PRH1: variants seen among roughly 807,000 people sequenced by gnomAD.
PRH1 encodes the protein proline rich protein HaeIII subfamily 1, also known as salivary acidic proline-rich phosphoprotein 1/2.
In PRH1, 7 loss-of-function variants were observed where a neutral mutation model predicts 7.9. That is an observed-to-expected ratio of 0.89 (90% CI 0.50 to 1.67). The LOEUF (loss-of-function observed/expected upper bound fraction) is 1.67, where lower values mean the gene tolerates loss of function less well. Ranked by LOEUF, PRH1 falls within the 40% of genes most tolerant of loss-of-function variation. PRH1 has a pLI of 0.00. For synonymous variants in PRH1, 45 were observed against 80.8 expected (o/e 0.56, Z 2.38); for missense variants, 109 against 223.6 (o/e 0.49, Z 3.27).
chr12:11,004,690 A>AT (rs1028145370), intron 1 of PRH1, among the ~76,000 whole-genome samples: 2 of 151,890 alleles, frequency 1.3e-5, no homozygotes, highest in African/African-American at 4.8e-5. Flanking sequence ...AATTTTTCTA[A>AT]TTTTTTCTTG....
At chr12:11,120,359 C>T (rs1180592831), downstream of PRH1, among the ~76,000 whole-genome samples, 1 of 152,118 alleles carries the variant, frequency 6.6e-6, no homozygotes, top group African/African-American at 2.4e-5. Flanking sequence ...AGGGACCAGA[C>T]AAAGCTTTGG....
chr12:11,075,267 A>T (rs796997328), intron 1 of PRH1, among the ~76,000 whole-genome samples: 41,528 of 89,924 alleles, frequency 0.46, 6,520 homozygotes, highest in Non-Finnish European at 0.56. Flanking sequence ...GCGAAATGCC[A>T]TCTTTGTGTA....
chr12:11,083,832 A>AT (rs150770562), intron 1 of PRH1, among the ~76,000 whole-genome samples: 36,533 of 100,698 alleles, frequency 0.36, 5,587 homozygotes, highest in Non-Finnish European at 0.45. Context: ...ATACTGAATC[A>AT]TTTTTCAAAC....
chr12:10,946,318 G>T, intron 2 of PRH1, among the ~76,000 whole-genome samples: 1 of 152,164 alleles, frequency 6.6e-6, no homozygotes, highest in African/African-American at 2.4e-5. Context: ...ATGTTCTTCT[G>T]CCATGGCTTC....
Position 11,079,639 on chromosome 12 carries a change from T to C in PRH1, n.124-32451A>G, listed in dbSNP as rs1465211380. On this transcript the variant is annotated intron_variant and non_coding_transcript_variant, in intron 1 of 4. Transcript: ENST00000541977. The stretch of plus-strand genomic sequence containing the variant: ...AAGAGTATGGGAAACATGTCCACCC[T>C]TGTTGTGTCAGGAATTCAGGATTCA... Among the ~76,000 whole-genome samples, 2 of 117,892 alleles carry C rather than the reference T, an allele frequency of 1.7e-5. 1 individual carries two copies. The highest frequency in any genetic ancestry group is 5.7e-5 in the African/African-American group (2 of 35,108). 77.3% of individuals were successfully genotyped at this position (117,892 alleles called of 152,430 possible).
chr12:11,115,196 C>A (rs1945697216), intron 1 of PRH1, among the ~76,000 whole-genome samples: 1 of 151,856 alleles, frequency 6.6e-6, no homozygotes. Context: ...AGAAAGAAAA[C>A]AACGGGATGG....
At chr12:10,929,333 T>C in intron 2 of PRH1, 1 of 1,614,056 alleles carries the variant, frequency 6.2e-7, no homozygotes, top group Non-Finnish European at 8.5e-7. Flanking sequence ...AGGACTTAGA[T>C]GAAGGTAAGC....
At chr12:10,957,811 T>G (rs1007881655) in intron 2 of PRH1, among the ~76,000 whole-genome samples, 7 of 151,832 alleles carry the variant, frequency 4.6e-5, no homozygotes, top group Non-Finnish European at 1.0e-4. Flanking sequence ...TATGAAAAAA[T>G]GCTCAATATA....
chr12:11,118,597 T>C (rs187407847), downstream of PRH1, among the ~76,000 whole-genome samples: 307 of 152,268 alleles, frequency 2.0e-3, no homozygotes, highest in Non-Finnish European at 2.2e-3. Context: ...AGGAAGTAAG[T>C]GTATCAAACA....
At chr12:10,929,922 T>C (rs1417170661) in intron 2 of PRH1, among the ~76,000 whole-genome samples, 1 of 152,184 alleles carries the variant, frequency 6.6e-6, no homozygotes, top group Non-Finnish European at 1.5e-5. Flanking sequence ...TGAGAAAGCT[T>C]GCAAACATAA....
intron 2 of PRH1, among the ~76,000 whole-genome samples, chr12:10,944,872 TG>T (rs1950461475): frequency 6.6e-6 from 1 of 152,184 alleles, no homozygotes; most frequent in Non-Finnish European, 1.5e-5. Context: ...TATTGATTTT[TG>T]TATGTTGAAC....
intron 2 of PRH1, among the ~76,000 whole-genome samples, chr12:10,898,966 A>G (rs1479534167): frequency 2.0e-5 from 3 of 152,236 alleles, no homozygotes; most frequent in African/African-American, 7.2e-5. Flanking sequence ...TGTGCCCAGA[A>G]GGCAGCACAT....
intron 1 of PRH1, among the ~76,000 whole-genome samples, chr12:10,984,031 G>A (rs538400954): frequency 6.6e-6 from 1 of 151,238 alleles, no homozygotes; most frequent in East Asian, 1.9e-4. Flanking sequence ...ATTTAGAAAG[G>A]GTTTTAAAAT....
At chr12:11,134,875 G>T (rs535672514) in intron 1 of PRH1, among the ~76,000 whole-genome samples, 1 of 152,054 alleles carries the variant, frequency 6.6e-6, no homozygotes, top group Admixed American at 6.6e-5. Context: ...ATACTTTTGT[G>T]TAACTTCATT....
At chr12:11,031,112 A>C (rs1214085921) in intron 1 of PRH1, 2 of 1,614,172 alleles carry the variant, frequency 1.2e-6, no homozygotes, top group East Asian at 4.5e-5. Context: ...TACACTATAA[A>C]AAGCTGGATT....
intron 1 of PRH1, among the ~76,000 whole-genome samples, chr12:11,123,288 GA>G (rs1475945282): frequency 0.085 from 12,354 of 144,540 alleles, no homozygotes; most frequent in East Asian, 0.17. Context: ...ATGCTACAAT[GA>G]ACATTCTTTC....
intron 1 of PRH1, among the ~76,000 whole-genome samples, chr12:11,080,307 T>C (rs1440010324): frequency 8.6e-6 from 1 of 116,494 alleles, no homozygotes; most frequent in Non-Finnish European, 2.0e-5. Flanking sequence ...TGCATGTACA[T>C]GTGATCCACT....
intron 1 of PRH1, among the ~76,000 whole-genome samples, chr12:11,009,506 C>A (rs1940975213): frequency 6.6e-6 from 1 of 151,962 alleles, no homozygotes; most frequent in African/African-American, 2.4e-5. Flanking sequence ...CTCCAGAACT[C>A]CAGAAGTATG....
At chr12:10,885,482 T>C (rs1949477012), upstream of PRH1, among the ~76,000 whole-genome samples, 4 of 152,338 alleles carry the variant, frequency 2.6e-5, no homozygotes, top group East Asian at 5.8e-4. Context: ...CTTTCATTTT[T>C]GTCTGTATAA....
Sources: allele counts gnomAD v4.1 joint callset (sites outside exome capture counted in the v4.1 genomes callset), GRCh38; gene constraint gnomAD v4.1.1; transcripts MANE v1.5; gene names NCBI Gene and HGNC (gene_info 2026-07-23, HGNC 2026-07-21).